Variants in NCOA2 observed in about 807,000 individuals in gnomAD.
NCOA2 encodes the protein class E basic helix-loop-helix protein 75.
A neutral mutation model predicts 145.1 loss-of-function variants in NCOA2; 21 were observed. The observed-to-expected ratio is 0.14, with a 90% CI of 0.10 to 0.21. The LOEUF is 0.21. Ranked by LOEUF, NCOA2 falls within the 10% of genes least tolerant of loss-of-function variation. NCOA2 has a pLI of 1.00. For synonymous variants in NCOA2, 619 were observed against 637.5 expected (o/e 0.97, Z 0.44); for missense variants, 1,472 against 1,837.6 (o/e 0.80, Z 3.64).
chr8:70,170,797 A>G (rs929984625), intron 5 of NCOA2, among the ~76,000 whole-genome samples: 3 of 152,224 alleles, frequency 2.0e-5, no homozygotes, highest in Non-Finnish European at 4.4e-5. Context: ...ATGTTATACA[A>G]TGAGAGAAAG....
chr8:70,128,630 C>T (rs1015249641), intron 17 of NCOA2, 72 bp downstream of exon 17: 80 of 1,594,878 alleles, frequency 5.0e-5, no homozygotes, highest in Admixed American at 1.7e-4. Context: ...GACAGCTGTG[C>T]TGTCTCACAT....
chr8:70,357,842 G>A (rs1809865579), intron 1 of NCOA2, among the ~76,000 whole-genome samples: 2 of 152,102 alleles, frequency 1.3e-5, no homozygotes, highest in Non-Finnish European at 2.9e-5. Flanking sequence ...CCCGAAGTCA[G>A]GAGTTCAATA....
intron 14 of NCOA2, among the ~76,000 whole-genome samples, chr8:70,140,847 T>C (rs1045396396): frequency 2.0e-5 from 3 of 152,098 alleles, no homozygotes; most frequent in Admixed American, 2.0e-4. Context: ...TCCTCCTGCC[T>C]CGGCCTCCCA....
At chr8:70,414,192 C>T in the NCOA2 span, among the ~76,000 whole-genome samples, 6 of 152,234 alleles carry the variant, frequency 3.9e-5, no homozygotes, top group Non-Finnish European at 8.8e-5. Context: ...CTTTCTCATA[C>T]ACTTTGTCTC....
chr8:70,287,438 G>A (rs961835782), intron 2 of NCOA2, among the ~76,000 whole-genome samples: 2 of 151,952 alleles, frequency 1.3e-5, no homozygotes, highest in South Asian at 2.1e-4. Flanking sequence ...TCAACTTTGC[G>A]TAAAAAGGTC....
chr8:70,233,244 G>A (rs374252794), intron 2 of NCOA2, among the ~76,000 whole-genome samples: 12 of 151,862 alleles, frequency 7.9e-5, no homozygotes, highest in East Asian at 1.9e-4. Context: ...AAGATAATAC[G>A]TGTCATATAC....
intron 2 of NCOA2, among the ~76,000 whole-genome samples, chr8:70,294,093 G>A (rs1445988884): frequency 6.6e-6 from 1 of 151,950 alleles, no homozygotes; most frequent in African/African-American, 2.4e-5. Context: ...TTTTTACATA[G>A]TATGTCCTAC....
At chr8:70,138,008 T>A in intron 15 of NCOA2, 195 bp downstream of exon 15, 1 of 428,398 alleles carries the variant, frequency 2.3e-6, no homozygotes. Flanking sequence ...TATTTTCCAT[T>A]TAATTTGTAA....
rs1481595695 is a variant in NCOA2 at position 70,128,990 on chromosome 8, A to C, written c.3325-10T>G. 1.9e-6 allele frequency: 3 copies of C among 1,584,326 alleles called. No individual in the cohort carries two copies. ...GATCTACTGCTTGGCTCTGGAGAGA[A>C]AGTCCCAAATAACAAACAAATAATT... is the stretch of plus-strand genomic sequence containing the variant. On this transcript the variant is annotated splice_polypyrimidine_tract_variant and intron_variant, in intron 16 of 22. Transcript: ENST00000452400.
chr8:70,443,002 T>A, the NCOA2 span, among the ~76,000 whole-genome samples: 1 of 152,152 alleles, frequency 6.6e-6, no homozygotes, highest in Non-Finnish European at 1.5e-5. Context: ...GCTTAACAAG[T>A]CTTTTTCTAA....
chr8:70,251,125 A>G (rs1447084175), intron 2 of NCOA2, among the ~76,000 whole-genome samples: 1 of 152,104 alleles, frequency 6.6e-6, no homozygotes, highest in Non-Finnish European at 1.5e-5. Flanking sequence ...GCTTGTGGGT[A>G]TCATCCCACT....
chr8:70,388,365 T>TA (rs939476446), intron 1 of NCOA2, among the ~76,000 whole-genome samples: 22 of 152,194 alleles, frequency 1.4e-4, no homozygotes, highest in African/African-American at 5.3e-4. Flanking sequence ...TAGGCCTCTT[T>TA]AGGATTCCTT....
chr8:70,185,379 T>A (rs1379062944), intron 4 of NCOA2, among the ~76,000 whole-genome samples: 2 of 152,170 alleles, frequency 1.3e-5, no homozygotes, highest in Non-Finnish European at 1.5e-5. Flanking sequence ...CTAAATCATA[T>A]CATTGTAGCA....
intron 2 of NCOA2, among the ~76,000 whole-genome samples, chr8:70,266,673 T>C (rs536641847): frequency 1.2e-4 from 18 of 152,296 alleles, no homozygotes; most frequent in African/African-American, 4.3e-4. Context: ...TCTAAGACCT[T>C]GCCACACAAG....
rs888475154 is a variant in NCOA2, at chr8:70,295,720, T to C, written c.-20+1024A>G. Among the ~76,000 whole-genome samples, 13 of 152,252 alleles carry C rather than the reference T, an allele frequency of 8.5e-5. No homozygotes were observed. In the East Asian group the frequency reaches 2.3e-3, roughly 27 times the overall value. On this transcript the variant is annotated intron_variant, in intron 2 of 22. Coordinates refer to ENST00000452400, the MANE Select transcript of NCOA2 (RefSeq NM_006540.4). ...ACTTTGGGAGGCCGAGGCAGGCAGA[T>C]CACTTGAGGTCAGGAGCTCAAGACC...
chr8:70,330,198 GATGATGATGATGATGATA>G (rs1470986895), intron 1 of NCOA2, among the ~76,000 whole-genome samples: 1 of 135,978 alleles, frequency 7.4e-6, no homozygotes, highest in Non-Finnish European at 1.5e-5. Flanking sequence ...CTCAATAAAT[GATGATGATGATGATGATA>G]ATGATGATGA....
the NCOA2 span, among the ~76,000 whole-genome samples, chr8:70,456,270 A>G: frequency 1.3e-5 from 2 of 152,202 alleles, no homozygotes; most frequent in African/African-American, 4.8e-5. Flanking sequence ...TAAAGCAAGA[A>G]AAAGAATAAG....
chr8:70,325,377 C>G (rs1026951710), intron 1 of NCOA2, among the ~76,000 whole-genome samples: 1 of 152,070 alleles, frequency 6.6e-6, no homozygotes. Flanking sequence ...TAACAAAGGG[C>G]AGTCTCTCAC....
intron 1 of NCOA2, among the ~76,000 whole-genome samples, chr8:70,371,845 TAA>T (rs1418837567): frequency 6.6e-6 from 1 of 152,180 alleles, no homozygotes; most frequent in Non-Finnish European, 1.5e-5. Flanking sequence ...AGGGATCTCT[TAA>T]GAGAGCTATT....
Sources: allele counts gnomAD v4.1 joint callset (sites outside exome capture counted in the v4.1 genomes callset), GRCh38; gene constraint gnomAD v4.1.1; transcripts MANE v1.5; gene names NCBI Gene and HGNC (gene_info 2026-07-23, HGNC 2026-07-21).